Variants in SLF2 observed in about 807,000 individuals in gnomAD.
SLF2 encodes the protein SMC5/6 complex localization factor 2.
In SLF2, 68 loss-of-function variants were observed where a neutral mutation model predicts 124.3. The observed-to-expected ratio is 0.55, with a 90% CI of 0.45 to 0.67. SLF2 has a LOEUF of 0.67. SLF2 is among the 30% of genes least tolerant of loss of function. SLF2 has a pLI of 0.00. For missense variants in SLF2, 1,246 were observed against 1,373.7 expected, an observed-to-expected ratio of 0.91 and a Z score of 1.47; for synonymous variants, 480 against 478.8, an observed-to-expected ratio of 1.00 and a Z score of -0.03.
intron 9 of SLF2, among the ~76,000 whole-genome samples, chr10:100,932,467 G>A (rs917178828): frequency 6.6e-6 from 1 of 152,116 alleles, no homozygotes; most frequent in African/African-American, 2.4e-5. Flanking sequence ...AGTGAAAAGT[G>A]GGAAAAACAT....
At chr10:100,917,964 G>A (rs1239476245) in intron 3 of SLF2, among the ~76,000 whole-genome samples, 2 of 152,154 alleles carry the variant, frequency 1.3e-5, no homozygotes, top group East Asian at 3.8e-4. Context: ...GCATGTGCCT[G>A]TTCTCCTAGC....
At chr10:100,937,207 T>C (rs1046867283) in intron 9 of SLF2, among the ~76,000 whole-genome samples, 195 bp from the exon 10 acceptor site, 5 of 152,164 alleles carry the variant, frequency 3.3e-5, no homozygotes, top group Non-Finnish European at 7.4e-5. Context: ...GATTGGGTTT[T>C]GCCGTCTTGC....
chr10:100,926,420 A>T, intron 6 of SLF2: 1 of 723,224 alleles, frequency 1.4e-6, no homozygotes, highest in Admixed American at 3.6e-5. Flanking sequence ...CCTGGGCAAC[A>T]TGGTGAAACC....
At position 100,913,068 on chromosome 10, in the gene SLF2, T is replaced by C. The variant is rs763820542; in HGVS notation, c.-43T>C. On this transcript the variant is annotated 5_prime_UTR_variant, in exon 1 of 20. Coordinates refer to ENST00000238961, the MANE Select transcript of SLF2 (RefSeq NM_018121.4). Reference sequence around the variant, plus strand: ...GCAAGACGGCAACCACGCACCCAACTTCTCCAGCCACGGCTCATGCCGCCG... The same window carrying C: ...GCAAGACGGCAACCACGCACCCAACCTCTCCAGCCACGGCTCATGCCGCCG... 1 of 1,600,052 alleles carries C rather than the reference T, an allele frequency of 6.2e-7. No homozygotes were observed. Among genetic ancestry groups the C allele is most frequent in the South Asian group, 1.1e-5 (1 of 89,740 alleles).
chr10:100,961,848 A>G (rs2133839144), intron 19 of SLF2, 29 bp from the exon 20 acceptor site: 2 of 1,602,408 alleles, frequency 1.2e-6, no homozygotes, highest in Non-Finnish European at 1.7e-6. Context: ...ATTTTGCTTT[A>G]CCCTCTTTTT....
intron 9 of SLF2, among the ~76,000 whole-genome samples, chr10:100,933,163 G>T (rs879864005): frequency 6.6e-6 from 1 of 152,108 alleles, no homozygotes; most frequent in East Asian, 1.9e-4. Context: ...CTCTAATTGT[G>T]TATATCATTT....
intron 9 of SLF2, 136 bp from the exon 10 acceptor site, chr10:100,937,266 C>T: frequency 2.7e-6 from 2 of 728,746 alleles, no homozygotes; most frequent in Non-Finnish European, 4.9e-6. Context: ...CCGCCTTAGC[C>T]TCACAAAGTG....
intron 1 of SLF2, 21 bp from the exon 2 acceptor site, chr10:100,915,978 A>G (rs1216407287): frequency 8.2e-6 from 13 of 1,585,658 alleles, no homozygotes; most frequent in Non-Finnish European, 1.1e-5. Context: ...ATATGATGCC[A>G]TATTATGCTT....
At chr10:100,937,987 GAA>G in intron 10 of SLF2, among the ~76,000 whole-genome samples, 1 of 152,132 alleles carries the variant, frequency 6.6e-6, no homozygotes, top group South Asian at 2.1e-4. Flanking sequence ...TTGAGAAAAA[GAA>G]TATAAGATCT....
intron 10 of SLF2, among the ~76,000 whole-genome samples, chr10:100,938,043 A>G (rs745868454): frequency 3.3e-5 from 5 of 152,226 alleles, no homozygotes; most frequent in Non-Finnish European, 7.3e-5. Flanking sequence ...ATCATGGCTT[A>G]CTTTGCTTGA....
At chr10:100,939,676 T>TAA (rs112335880) in intron 11 of SLF2, among the ~76,000 whole-genome samples, 3 of 138,360 alleles carry the variant, frequency 2.2e-5, no homozygotes, top group Non-Finnish European at 1.6e-5. Flanking sequence ...AGACTCCATC[T>TAA]AAAAAAAAAA....
intron 17 of SLF2, among the ~76,000 whole-genome samples, chr10:100,951,390 T>C (rs1850211041): frequency 6.6e-6 from 1 of 152,188 alleles, no homozygotes; most frequent in Non-Finnish European, 1.5e-5. Context: ...GCTGGACCCA[T>C]ATTGACTCCA....
intron 19 of SLF2, 94 bp from the exon 20 acceptor site, chr10:100,961,783 A>G: frequency 9.6e-7 from 1 of 1,042,398 alleles, no homozygotes; most frequent in South Asian, 1.7e-5. Context: ...GTCTTATCAA[A>G]GCCCATTGTC....
rs753196529 is a variant in SLF2, at chr10:100,959,443, G to A, written c.3433G>A (p.Ala1145Thr). The A allele has an allele frequency of 5.0e-6, 8 of 1,607,400 alleles. No individual in the cohort carries two copies. In the East Asian group the frequency reaches 6.7e-5, roughly 13 times the overall value. Residue 1145 changes from alanine to threonine, a missense_variant, in exon 19 of 20, where the codon GCC (alanine) becomes ACC (threonine). Ala to Thr is a moderately conservative substitution (Grantham distance 58, BLOSUM62 0). Around this residue, in one of 3 missense-constraint regions of SLF2, gnomAD observed 535 missense variants for 632.8 expected, o/e 0.85. Transcript: ENST00000238961. ...FYRTKVKDLV[A>T]RIHGKWQEII... ...TATTTTTAAGGTGAAAGACTTGGTC[G>A]CCAGGATACATGGAAAATGGCAGGA...
At chr10:100,932,681 GACAA>G (rs1172304443) in intron 9 of SLF2, among the ~76,000 whole-genome samples, 3 of 148,952 alleles carry the variant, frequency 2.0e-5, no homozygotes, top group Admixed American at 6.8e-5. Flanking sequence ...ATGTAGAGGA[GACAA>G]ACAATAAGTG....
intron 13 of SLF2, among the ~76,000 whole-genome samples, chr10:100,946,766 A>G (rs1183569680): frequency 1.3e-5 from 2 of 152,264 alleles, no homozygotes; most frequent in Non-Finnish European, 2.9e-5. Context: ...GACTGTTTAA[A>G]TATCAATGGG....
chr10:100,926,797 C>G (rs1849623865), intron 6 of SLF2: 1 of 151,836 alleles, frequency 6.6e-6, no homozygotes, highest in African/African-American at 2.4e-5. Flanking sequence ...GTAGTCCCAG[C>G]TCCTGGGGAG....
chr10:100,956,388 A>T, intron 17 of SLF2, 63 bp from the exon 18 acceptor site: 1 of 1,194,558 alleles, frequency 8.4e-7, no homozygotes, highest in Non-Finnish European at 1.2e-6. Flanking sequence ...CTAGCTGCAT[A>T]ATTTCTTTGT....
chr10:100,961,653 G>A (rs1338237458), intron 19 of SLF2, among the ~76,000 whole-genome samples: 1 of 152,040 alleles, frequency 6.6e-6, no homozygotes, highest in Non-Finnish European at 1.5e-5. Flanking sequence ...TGTGTGCAGT[G>A]GTGAGAAAAA....
Sources: gnomAD v4.1 joint callset for allele counts (sites outside exome capture counted in the v4.1 genomes callset) on GRCh38, gnomAD v4.1.1 for gene constraint, gnomAD v4.1.1 regional missense constraint, MANE v1.5 for transcripts, NCBI Gene and HGNC (gene_info 2026-07-23, HGNC 2026-07-21) for gene names.